Variants in H2BC18 observed in about 807,000 individuals in gnomAD.
H2BC18 encodes H2B clustered histone 18.
Under a neutral mutation model 6.3 loss-of-function variants are expected in H2BC18, and 8 were observed. The observed-to-expected ratio is 1.28, with a 90% CI of 0.75 to 2.31. The LOEUF (loss-of-function observed/expected upper bound fraction) is 2.31. H2BC18 is among the 30% of genes most tolerant of loss of function. H2BC18 has a pLI of 0.00. For missense variants in H2BC18, 106 were observed against 174.5 expected (o/e 0.61, Z 2.21); for synonymous variants, 104 against 78.1 (o/e 1.33, Z -1.75).
At chr1:149,790,542 C>G (rs2091681221) in intron 1 of H2BC18, 2 of 963,036 alleles carry the variant, frequency 2.1e-6, no homozygotes, top group Middle Eastern at 3.4e-4. Context: ...CTTTCTTTTT[C>G]TTTTTCCTTT....
At chr1:149,808,594 G>A (rs1440436526), downstream of H2BC18, among the ~76,000 whole-genome samples, 1 of 152,090 alleles carries the variant, frequency 6.6e-6, no homozygotes, top group Non-Finnish European at 1.5e-5. Flanking sequence ...TTACAACCTG[G>A]CTGAGGGGCA....
chr1:149,811,061 C>CAT (rs1395593265), downstream of H2BC18: 1 of 152,158 alleles, frequency 6.6e-6, no homozygotes, highest in Non-Finnish European at 1.5e-5. Flanking sequence ...AAAAGAAAAA[C>CAT]ATGGGCTGAT....
chr1:149,788,542 C>T (rs868934687), intron 1 of H2BC18: 8 of 1,613,760 alleles, frequency 5.0e-6, no homozygotes, highest in Non-Finnish European at 6.8e-6. Context: ...CAACATAAGT[C>T]ACAATGGCAC....
rs376977853 is a variant in H2BC18 at position 149,796,570 on chromosome 1, C to G, written c.378-13310G>C. On this transcript the variant is annotated intron_variant, in intron 1 of 1. Coordinates refer to the H2BC18 transcript ENST00000545683. ...CTTTATTTTAGAAAATAATCATTTT[C>G]TACCTTGAATTCTAGTTTATTGTGA... 3.3e-5 allele frequency among the ~76,000 whole-genome samples: 5 copies of G among 152,254 alleles called. No homozygotes were observed. The East Asian group carries it at 5.8e-4, about 18-fold the overall frequency.
chr1:149,800,653 C>T (rs2091857845), intron 1 of H2BC18, among the ~76,000 whole-genome samples: 1 of 143,360 alleles, frequency 7.0e-6, no homozygotes, highest in Admixed American at 7.1e-5. Flanking sequence ...TTTATCTATC[C>T]TGTTCTGGAT....
intron 1 of H2BC18, among the ~76,000 whole-genome samples, chr1:149,785,209 A>G (rs2091508936): frequency 6.6e-6 from 1 of 152,176 alleles, no homozygotes; most frequent in Admixed American, 6.5e-5. Flanking sequence ...CTTCGTTAAA[A>G]ATGATAATGC....
intron 1 of H2BC18, among the ~76,000 whole-genome samples, chr1:149,789,863 C>A (rs1378622137): frequency 3.9e-5 from 6 of 152,138 alleles, no homozygotes; most frequent in Non-Finnish European, 7.3e-5. Context: ...TAGGACTCAG[C>A]AAGCTGGCAA....
intron 1 of H2BC18, among the ~76,000 whole-genome samples, chr1:149,788,779 A>T (rs1461531383): frequency 4.1e-4 from 62 of 152,096 alleles, no homozygotes; most frequent in Non-Finnish European, 8.2e-4. Context: ...TGGAACCAGA[A>T]CTGAGGTCTC....
At chr1:149,806,720 C>A (rs1311292405) in intron 1 of H2BC18, among the ~76,000 whole-genome samples, 1 of 152,112 alleles carries the variant, frequency 6.6e-6, no homozygotes, top group Non-Finnish European at 1.5e-5. Flanking sequence ...AACTTCTGAG[C>A]AAAAGCTTAC....
chr1:149,807,807 A>T (rs1193583713), downstream of H2BC18, among the ~76,000 whole-genome samples: 1 of 150,300 alleles, frequency 6.7e-6, no homozygotes, highest in African/African-American at 2.5e-5. Context: ...CCATCTCGAA[A>T]GAAAGAAGAA....
chr1:149,784,359 C>T (rs2091483358), intron 1 of H2BC18: 2 of 1,607,638 alleles, frequency 1.2e-6, no homozygotes, highest in Non-Finnish European at 1.7e-6. Context: ...TATCTGGGTG[C>T]AGGTCTCAGC....
At chr1:149,792,392 T>C (rs1553752056) in intron 1 of H2BC18, 1 of 435,466 alleles carries the variant, frequency 2.3e-6, no homozygotes, top group Non-Finnish European at 3.4e-6. Context: ...GCTGCTCTCA[T>C]ACTTGGGCTG....
At chr1:149,791,611 C>T (rs1553751958) in intron 1 of H2BC18, 1 of 1,535,530 alleles carries the variant, frequency 6.5e-7, no homozygotes, top group African/African-American at 1.4e-5. Context: ...TTCAACAACA[C>T]CAGAACTGTG....
Position 149,795,957 on chromosome 1 carries a change from C to T in H2BC18, c.378-12697G>A, listed in dbSNP as rs1449439500. On this transcript the variant is annotated intron_variant, in intron 1 of 1. Coordinates refer to the H2BC18 transcript ENST00000545683. The stretch of plus-strand genomic sequence containing the variant: ...GACACATATACATTAAGCTTGGCAA[C>T]GGAAAGCAGGATGTCACACACACAC... Among the ~76,000 whole-genome samples the T allele has an allele frequency of 4.6e-5, 7 of 150,866 alleles. 1 individual carries two copies. Among genetic ancestry groups the T allele is most frequent in the East Asian group, 3.9e-4 (2 of 5,104 alleles).
Position 149,811,976 on chromosome 1 carries a change from G to C in H2BC18, c.348C>G (p.Thr116=), listed in dbSNP as rs782203867. 1 of 1,613,650 alleles carries C rather than the reference G, an allele frequency of 6.2e-7. No homozygotes were observed. Among genetic ancestry groups the C allele is most frequent in the South Asian group, 1.1e-5 (1 of 91,028 alleles). Residue 116 remains threonine, a synonymous_variant, in exon 1 of 1, where the codon ACC becomes ACG. Transcript: ENST00000369167. Reference sequence around the variant, plus strand: ...AGCTGGTGTACTTGGTGACCGCCTTGGTGCCCTCGGACACGGCGTGCTTGG... The same window carrying C: ...AGCTGGTGTACTTGGTGACCGCCTTCGTGCCCTCGGACACGGCGTGCTTGG... ...ELAKHAVSEG[T]KAVTKYTSSK
Position 149,784,284 on chromosome 1 carries a change from C to G in H2BC18, c.378-1024G>C, listed in dbSNP as rs782586399. 3.7e-6 allele frequency: 6 copies of G among 1,609,124 alleles called. No individual in the cohort carries two copies. The South Asian group carries it at 6.6e-5, about 18-fold the overall frequency. On this transcript the variant is annotated intron_variant, in intron 1 of 1. Coordinates refer to the H2BC18 transcript ENST00000545683. ...TAATTATGACTTGGACCAGGAGGGC[C>G]GGAAACCACAAGGTCTTCCTCTGCG...
chr1:149,799,775 A>G (rs1425513932), intron 1 of H2BC18, among the ~76,000 whole-genome samples: 4 of 152,016 alleles, frequency 2.6e-5, no homozygotes, highest in Non-Finnish European at 5.9e-5. Flanking sequence ...GGCTTTGTGG[A>G]GGAATTTCTG....
intron 1 of H2BC18, chr1:149,791,631 G>A (rs2091716400): frequency 6.6e-7 from 1 of 1,519,268 alleles, no homozygotes; most frequent in Non-Finnish European, 8.8e-7. Context: ...GTGTCTCATG[G>A]TATGTAACTC....
At chr1:149,795,266 ATAAAT>A (rs2091787249) in intron 1 of H2BC18, among the ~76,000 whole-genome samples, 1 of 139,282 alleles carries the variant, frequency 7.2e-6, no homozygotes, top group Non-Finnish European at 1.5e-5. Flanking sequence ...AAATAAATAA[ATAAAT>A]AAATAAATAA....
Sources: allele counts gnomAD v4.1 joint callset (sites outside exome capture counted in the v4.1 genomes callset), GRCh38; gene constraint gnomAD v4.1.1; transcripts MANE v1.5; gene names NCBI Gene and HGNC (gene_info 2026-07-23, HGNC 2026-07-21).